Variants in VPS33B observed in about 807,000 individuals in gnomAD.
The protein encoded by VPS33B is VPS33B late endosome and lysosome associated.
VPS33B carries 80 observed loss-of-function variants against 95.3 expected under a neutral mutation model. The ratio of observed to expected loss-of-function variants is 0.84; its 90% CI spans 0.70 to 1.01. The LOEUF (loss-of-function observed/expected upper bound fraction) is 1.01, where lower values mean the gene tolerates loss of function less well. Among genes scored for constraint, VPS33B ranks in the 50% least tolerant of loss-of-function variants. The pLI is 0.00. For missense variants in VPS33B, 715 were observed against 773.4 expected, an observed-to-expected ratio of 0.92 and a Z score of 0.90; for synonymous variants, 280 against 280.4, an observed-to-expected ratio of 1.00 and a Z score of 0.01.
chr15:91,007,307 C>G lies in VPS33B; in HGVS notation c.603+162G>C, dbSNP rs768039174. Among the ~76,000 whole-genome samples the G allele has an allele frequency of 6.6e-6, 1 of 152,232 alleles. No individual in the cohort carries two copies. Among genetic ancestry groups the G allele is most frequent in the Non-Finnish European group, 1.5e-5 (1 of 68,044 alleles). ...CCAGGAGATCCTGGCTTTTGCTTCT[C>G]TGTTAGCCACACAAGTTCTCCTCTC... On this transcript the variant is annotated intron_variant, in intron 8 of 22. Coordinates refer to ENST00000333371, the MANE Select transcript of VPS33B (RefSeq NM_018668.5). The surrounding 1 kb of genome is among the most constrained non-coding windows in gnomAD (Gnocchi z 5.3).
rs1312221330 is a variant in VPS33B, at chr15:91,000,450, G to A, written c.1581+40C>T. On this transcript the variant is annotated intron_variant, in intron 20 of 22. Coordinates refer to ENST00000333371, the MANE Select transcript of VPS33B (RefSeq NM_018668.5). The surrounding 1 kb of genome is among the most constrained non-coding windows in gnomAD (Gnocchi z 4.9). ...GCCAGGGACCAAGAGAAAGCAGAGA[G>A]AATGAAATATGAATGGGAGCAAGAA... is the stretch of plus-strand genomic sequence containing the variant. 1.3e-6 allele frequency: 2 copies of A among 1,563,752 alleles called. No individual in the cohort carries two copies. The highest frequency in any genetic ancestry group is 8.8e-7 in the Non-Finnish European group (1 of 1,138,512).
chr15:91,009,447 C>T lies in VPS33B; in HGVS notation c.403+354G>A, dbSNP rs2040716159. 6.6e-6 allele frequency among the ~76,000 whole-genome samples: 1 copy of T among 152,046 alleles called. No homozygotes were observed. Among genetic ancestry groups the T allele is most frequent in the African/African-American group, 2.4e-5 (1 of 41,388 alleles). ...TCAGCCTCCCGAGTAGCTGGGATTA[C>T]AAGCGTGCGCCATCACGCCCAGCTA... On this transcript the variant is annotated intron_variant, in intron 6 of 22. Coordinates refer to ENST00000333371, the MANE Select transcript of VPS33B (RefSeq NM_018668.5). This position sits in a 1 kb window ranked among gnomAD's most constrained non-coding sequence, Gnocchi z 4.1.
In VPS33B at chr15:91,006,659, G is replaced by C; in HGVS notation, c.771C>G (p.Ile257Met). 6.2e-7 allele frequency: 1 copy of C among 1,614,182 alleles called. No individual in the cohort carries two copies. The highest frequency in any genetic ancestry group is 1.1e-5 in the South Asian group (1 of 91,088). The change falls in exon 10 of 23, where the codon ATC (isoleucine) becomes ATG (methionine). Residue 257 changes from isoleucine to methionine, a missense_variant. Ile to Met is a conservative substitution (Grantham distance 10, BLOSUM62 1). Transcript: ENST00000333371. The surrounding 1 kb of genome is among the most constrained non-coding windows in gnomAD (Gnocchi z 5.4). ...YEGLVDDTFR[I>M]KCGSVDFGPE... ...GAGGACCATAGCACTTACCACACTT[G>C]ATGCGGAAGGTGTCATCTACTAGGC...
intron 2 of VPS33B, among the ~76,000 whole-genome samples, chr15:91,017,367 A>AAAATATAT (rs2040962088): frequency 6.3e-5 from 1 of 15,850 alleles, no homozygotes; most frequent in African/African-American, 2.1e-4. Context: ...TACAAAATTA[A>AAAATATAT]ATATATATAT....
chr15:91,013,751 C>T lies in VPS33B; in HGVS notation c.357+53G>A, dbSNP rs767211599. The T allele has an allele frequency of 1.8e-5, 29 of 1,603,056 alleles. No individual in the cohort carries two copies. In the African/African-American group the frequency reaches 2.0e-4, roughly 11 times the overall value. ...GTGCTGTTGGCCCCTTACCCCTGCC[C>T]GGTCCTCAGTCCTGTTCTACCTTAT... On this transcript the variant is annotated intron_variant, in intron 5 of 22. Transcript: ENST00000333371. This position sits in a 1 kb window ranked among gnomAD's most constrained non-coding sequence, Gnocchi z 4.5.
In VPS33B at chr15:91,011,170, G is replaced by A. The variant is rs2040768864; in HGVS notation, c.358-1324C>T. On this transcript the variant is annotated intron_variant, in intron 5 of 22. Transcript: ENST00000333371. This position sits in a 1 kb window ranked among gnomAD's most constrained non-coding sequence, Gnocchi z 5.5. ...GGCCACGATCTCTTCCTCCTTTGAG[G>A]TAAGTGGGGAAAGGGTGAATATTTT... 6.6e-6 allele frequency among the ~76,000 whole-genome samples: 1 copy of A among 152,228 alleles called. No individual in the cohort carries two copies. Among genetic ancestry groups the A allele is most frequent in the Admixed American group, 6.5e-5 (1 of 15,272 alleles).
chr15:91,020,416 C>G (rs1471813368), intron 1 of VPS33B, among the ~76,000 whole-genome samples: 1 of 152,186 alleles, frequency 6.6e-6, no homozygotes, highest in African/African-American at 2.4e-5. Context: ...ACGTTATTGC[C>G]TGGAAATCCA....
rs558385906 is a variant in VPS33B at position 90,999,381 on chromosome 15, C to T, written c.1774+296G>A. 1.8e-5 allele frequency: 9 copies of T among 503,994 alleles called. No homozygotes were observed. Among genetic ancestry groups the T allele is most frequent in the Admixed American group, 3.2e-5 (1 of 30,992 alleles). 31.2% of individuals were successfully genotyped at this position (503,994 alleles called of 1,614,324 possible). On this transcript the variant is annotated intron_variant, in intron 22 of 22. Coordinates refer to ENST00000333371, the MANE Select transcript of VPS33B (RefSeq NM_018668.5). This position sits in a 1 kb window ranked among gnomAD's most constrained non-coding sequence, Gnocchi z 5.1. ...TTGCCCAGGCTGGAGTGCAATGGTG[C>T]AATCTCAGCTCACTGCAACCTCCAC...
intron 1 of VPS33B, among the ~76,000 whole-genome samples, chr15:91,020,791 G>T (rs1239460297): frequency 6.6e-6 from 1 of 152,200 alleles, no homozygotes; most frequent in Non-Finnish European, 1.5e-5. Flanking sequence ...TGAGGCAGAA[G>T]AATCGCCTGA....
chr15:91,006,764 C>G lies in VPS33B; in HGVS notation c.701-35G>C. The G allele has an allele frequency of 6.2e-7, 1 of 1,613,190 alleles. No homozygotes were observed. Among genetic ancestry groups the G allele is most frequent in the Non-Finnish European group, 8.5e-7 (1 of 1,179,096 alleles). On this transcript the variant is annotated intron_variant, in intron 9 of 22. Transcript: ENST00000333371. This position sits in a 1 kb window ranked among gnomAD's most constrained non-coding sequence, Gnocchi z 5.4. ...AGATCCCTGACCATGAAGGTTCTCC[C>G]TGACCCAGCCTTCTACACAGCATGT...
Position 91,018,036 on chromosome 15 carries a change from C to A in VPS33B, c.97-151G>T. 1.4e-6 allele frequency: 1 copy of A among 722,238 alleles called. No homozygotes were observed. Among genetic ancestry groups the A allele is most frequent in the Non-Finnish European group, 2.5e-6 (1 of 404,724 alleles). 44.7% of individuals were successfully genotyped at this position (722,238 alleles called of 1,614,324 possible). A position where few individuals can be genotyped will look rare whatever the true frequency, so the allele number is the denominator to read the frequency against. Reference sequence around the variant, plus strand: ...CCGTCACCTTATTTATTATCTGTATCCACAGTTGACACTTCTCTGTATATT... The same window carrying A: ...CCGTCACCTTATTTATTATCTGTATACACAGTTGACACTTCTCTGTATATT... On this transcript the variant is annotated intron_variant, in intron 1 of 22. Transcript: ENST00000333371. The surrounding 1 kb of genome is among the most constrained non-coding windows in gnomAD (Gnocchi z 4.7).
rs543229573 is a variant in VPS33B at position 91,022,462 on chromosome 15, C to T, written c.-213G>A. ...TACCTCGGAGCAGCCTTGTCTCAGA[C>T]CTGCAGCCACCGTGTCTCGACCCTC... On this transcript the variant is annotated 5_prime_UTR_variant, in exon 1 of 23. Coordinates refer to ENST00000333371, the MANE Select transcript of VPS33B (RefSeq NM_018668.5). The T allele has an allele frequency of 1.6e-5, 8 of 500,804 alleles. No individual in the cohort carries two copies. In the South Asian group the frequency reaches 2.3e-4, roughly 15 times the overall value. The allele number at this position is 500,804 out of a possible 1,614,324, so 31.0% of individuals were successfully genotyped here. A position where few individuals can be genotyped will look rare whatever the true frequency, so the allele number is the denominator to read the frequency against.
chr15:91,017,368 ATATATATATATAT>A (rs1217135546), intron 2 of VPS33B, among the ~76,000 whole-genome samples: 3,463 of 35,228 alleles, frequency 0.098, 657 homozygotes, highest in Admixed American at 0.16. Context: ...ACAAAATTAA[ATATATATATATAT>A]ATATATATAT....
intron 5 of VPS33B, among the ~76,000 whole-genome samples, chr15:91,012,257 CTAT>C (rs980731531): frequency 1.3e-5 from 2 of 152,124 alleles, no homozygotes; most frequent in African/African-American, 4.8e-5. Context: ...TAAGATTGTG[CTAT>C]CAATGTTCAG....
Position 91,007,132 on chromosome 15 carries a change from T to G in VPS33B, c.604-86A>C. 4.3e-6 allele frequency: 6 copies of G among 1,385,100 alleles called. No homozygotes were observed. Among genetic ancestry groups the G allele is most frequent in the Non-Finnish European group, 5.1e-6 (5 of 985,386 alleles). The allele number at this position is 1,385,100 out of a possible 1,614,324, so 85.8% of individuals were successfully genotyped here. On this transcript the variant is annotated intron_variant, in intron 8 of 22. Transcript: ENST00000333371. The surrounding 1 kb of genome is among the most constrained non-coding windows in gnomAD (Gnocchi z 5.3). ...ACAGAAGTCAGCCCTTTCCACGTGA[T>G]ACTTCCTCTTGTCCCCGAGACAGGA...
chr15:91,001,984 C>G (rs981378067), intron 18 of VPS33B, 66 bp downstream of exon 18: 2 of 1,611,084 alleles, frequency 1.2e-6, no homozygotes, highest in Non-Finnish European at 1.7e-6. Context: ...TCCCTCCCAG[C>G]ATGCTGCGTG....
At chr15:91,016,664 A>T (rs147701083) in intron 3 of VPS33B, among the ~76,000 whole-genome samples, 5 of 152,124 alleles carry the variant, frequency 3.3e-5, no homozygotes, top group African/African-American at 9.7e-5. Flanking sequence ...GATTACAGGC[A>T]TGAGCCGCCG....
At position 91,002,014 on chromosome 15, in the gene VPS33B, C is replaced by T. The variant is rs116787959; in HGVS notation, c.1405+36G>A. The T allele has an allele frequency of 6.1e-3, 9,876 of 1,612,852 alleles. 500 individuals carry two copies. The African/African-American group carries it at 0.11, about 18-fold the overall frequency. On this transcript the variant is annotated intron_variant, in intron 18 of 22. Transcript: ENST00000333371. The surrounding 1 kb of genome is among the most constrained non-coding windows in gnomAD (Gnocchi z 4.7). ...TGCGTGTTGAGAGAAGTCAGGACAA[C>T]AGCTGGAGCAGGGGTCACTTGTGCT...
downstream of VPS33B, chr15:90,998,594 GCACAGGAAGCCC>G (rs1325887743): frequency 1.1e-5 from 4 of 350,246 alleles, no homozygotes; most frequent in East Asian, 2.9e-4. This position sits in a 1 kb window ranked among gnomAD's most constrained non-coding sequence, Gnocchi z 4.8. Context: ...AGGCCAAGAA[GCACAGGAAGCCC>G]CTGTAGCAAG....
Sources: allele counts gnomAD v4.1 joint callset (sites outside exome capture counted in the v4.1 genomes callset), GRCh38; gene constraint gnomAD v4.1.1; non-coding constraint Gnocchi (gnomAD v3.1); transcripts MANE v1.5; gene names NCBI Gene and HGNC (gene_info 2026-07-23, HGNC 2026-07-21).